Variants in CFAP65 observed in about 807,000 individuals in gnomAD.
CFAP65 encodes cilia- and flagella-associated protein 65.
A neutral mutation model predicts 208.0 loss-of-function variants in CFAP65; 155 were observed. That is an observed-to-expected ratio of 0.75 (90% CI 0.65 to 0.85). CFAP65 has a LOEUF of 0.85. CFAP65 is among the 40% of genes least tolerant of loss of function. The pLI is 0.00. For missense variants in CFAP65, 2,294 were observed against 2,451.3 expected (o/e 0.94, Z 1.36); for synonymous variants, 970 against 986.3 (o/e 0.98, Z 0.31).
Position 219,019,564 on chromosome 2 carries a change from A to T in CFAP65, c.3415T>A (p.Tyr1139Asn). The T allele has an allele frequency of 1.2e-6, 2 of 1,613,660 alleles. No homozygotes were observed. Among genetic ancestry groups the T allele is most frequent in the Non-Finnish European group, 1.7e-6 (2 of 1,180,018 alleles). ...CAGGGGGTGGGGTCACGCTCCAAGT[A>T]ACTGTTAAGCAGGTCCAGAGAGAAG... ...RLFSLDLLNS[Y>N]LERDPTPCEL... is the part of the protein sequence containing the mutation. Residue 1139 changes from tyrosine to asparagine, a missense_variant, in exon 20 of 35, where the codon TAC becomes AAC. Tyr to Asn is a moderately radical substitution (Grantham distance 143). Coordinates refer to ENST00000341552, the MANE Select transcript of CFAP65 (RefSeq NM_194302.4).
intron 9 of CFAP65, 24 bp from the exon 10 acceptor site, chr2:219,030,232 A>C: frequency 6.2e-7 from 1 of 1,607,056 alleles, no homozygotes; most frequent in Non-Finnish European, 8.5e-7. Flanking sequence ...CAGAAGGACA[A>C]AGGGTCAGGT....
Position 219,002,996 on chromosome 2 carries a change from G to A in CFAP65, c.5719C>T (p.Pro1907Ser), listed in dbSNP as rs772651010. 9.0e-6 allele frequency: 14 copies of A among 1,561,864 alleles called. 1 individual carries two copies. The South Asian group carries it at 1.7e-4, about 18-fold the overall frequency. ...TGGAGTACCTCTGCTTGCTGCGTCG[G>A]CAGCAGCGTGTCCGGGGTCAGACTC... ...PRSLTPDTLL[P>S]TQQAEVLHPV... Residue 1907 changes from proline to serine, a missense_variant, in exon 35 of 35, where the codon CCG becomes TCG. By Grantham distance (74) the Pro-to-Ser change is moderately conservative. Transcript: ENST00000341552. This position sits in a 1 kb window ranked among gnomAD's most constrained non-coding sequence, Gnocchi z 7.9.
Position 219,030,226 on chromosome 2 carries a change from A to G in CFAP65, c.1162-18T>C. The G allele has an allele frequency of 6.2e-7, 1 of 1,609,810 alleles. No homozygotes were observed. Among genetic ancestry groups the G allele is most frequent in the Non-Finnish European group, 8.5e-7 (1 of 1,176,224 alleles). ...GCATTTACCTGTGTGGCCAAGCAGA[A>G]GGACAAAGGGTCAGGTCACAGAGCA... On this transcript the variant is annotated intron_variant, in intron 9 of 34. Transcript: ENST00000341552.
At chr2:219,014,704 A>G (rs1946729941) in intron 21 of CFAP65, 1 of 152,582 alleles carries the variant, frequency 6.6e-6, no homozygotes. Flanking sequence ...TACGATAGGG[A>G]GCATCCAGAA....
At chr2:219,035,388 G>T in intron 5 of CFAP65, 92 bp downstream of exon 5, 3 of 1,609,008 alleles carry the variant, frequency 1.9e-6, no homozygotes, top group Non-Finnish European at 2.5e-6. Context: ...CATGTTAAAG[G>T]TTTTTTTTGT....
intron 11 of CFAP65, 120 bp downstream of exon 11, chr2:219,029,283 A>C: frequency 1.5e-6 from 2 of 1,320,208 alleles, no homozygotes; most frequent in South Asian, 1.5e-5. Flanking sequence ...GTGGGAGACC[A>C]CCAGGCAGAC....
chr2:219,006,463 A>G lies in CFAP65; in HGVS notation c.4719+2T>C. 1 of 1,613,334 alleles carries G rather than the reference A, an allele frequency of 6.2e-7. No individual in the cohort carries two copies. Among genetic ancestry groups the G allele is most frequent in the Non-Finnish European group, 8.5e-7 (1 of 1,179,950 alleles). On this transcript the variant is annotated splice_donor_variant, in intron 30 of 34. Coordinates refer to ENST00000341552, the MANE Select transcript of CFAP65 (RefSeq NM_194302.4). LOFTEE classifies it high-confidence loss of function. ...AGATGGGCCTGGGGCTCGCCGCCTC[A>G]CCTTGTACTTCCTCGCAGGTTCACA...
chr2:219,038,007 C>G (rs980055917), intron 4 of CFAP65, among the ~76,000 whole-genome samples: 1 of 152,170 alleles, frequency 6.6e-6, no homozygotes, highest in Non-Finnish European at 1.5e-5. Flanking sequence ...TCCTGGCTAT[C>G]CAACCAGCCT....
In CFAP65 at chr2:219,010,618, G is replaced by A. The variant is rs1946407381; in HGVS notation, c.4236C>T (p.Asp1412=). 2 of 1,611,890 alleles carry A rather than the reference G, an allele frequency of 1.2e-6. No homozygotes were observed. The highest frequency in any genetic ancestry group is 1.7e-6 in the Non-Finnish European group (2 of 1,179,596). The change falls in exon 26 of 35, where the codon GAC becomes GAT. Residue 1412 remains aspartate (D), a synonymous_variant. Transcript: ENST00000341552. ...GVGYNPHMMG[D]TAPFHNISSW... is the part of the protein sequence containing the mutation. ...AGGAGATGTTGTGGAATGGGGCTGT[G>A]TCCCCCATCATATGGGGGTTGTAGC...
At chr2:219,035,875 C>T (rs114182556) in intron 4 of CFAP65, among the ~76,000 whole-genome samples, 132 of 152,290 alleles carry the variant, frequency 8.7e-4, no homozygotes, top group African/African-American at 3.1e-3. Flanking sequence ...TCAGACATCA[C>T]GTCTTCCAAG....
intron 18 of CFAP65, 112 bp downstream of exon 18, chr2:219,021,668 C>A (rs1947270529): frequency 9.0e-6 from 11 of 1,224,218 alleles, no homozygotes; most frequent in Non-Finnish European, 1.3e-5. Context: ...ACCTCAGCTT[C>A]TTGAAGAGCT....
chr2:219,009,266 G>T, intron 28 of CFAP65, 81 bp downstream of exon 28: 1 of 1,441,444 alleles, frequency 6.9e-7, no homozygotes, highest in Admixed American at 1.7e-5. Context: ...TGGGGTCTGG[G>T]GATCTCACAG....
At chr2:219,033,788 T>C (rs910645092) in intron 5 of CFAP65, 1 of 151,652 alleles carries the variant, frequency 6.6e-6, no homozygotes, top group African/African-American at 2.4e-5. Flanking sequence ...TATTTAACAA[T>C]GCAGTAAGGA....
chr2:219,014,207 T>C (rs200297736), intron 21 of CFAP65, 163 bp from the exon 22 acceptor site: 1 of 536,470 alleles, frequency 1.9e-6, no homozygotes, highest in Non-Finnish European at 3.1e-6. Context: ...AATGTGGCTG[T>C]TGTGGATTCT....
At chr2:219,011,040 C>CT (rs1338883963) in intron 24 of CFAP65, 44 bp from the exon 25 acceptor site, 1 of 1,544,128 alleles carries the variant, frequency 6.5e-7, no homozygotes. Context: ...CAGCTCAGCA[C>CT]TGCAAATCAG....
In CFAP65 at chr2:219,037,550, C is replaced by A. The variant is rs370552116; in HGVS notation, c.357+825G>T. Among the ~76,000 whole-genome samples the A allele has an allele frequency of 1.8e-4, 28 of 152,296 alleles. No homozygotes were observed. The East Asian group carries it at 4.4e-3, about 24-fold the overall frequency. ...AGCCTTGAGGCCTGTCTGGTGGGAACTGGAGCCACAGGGGAAATGCAGCTG... is the reference window on the plus strand; with the variant it reads ...AGCCTTGAGGCCTGTCTGGTGGGAAATGGAGCCACAGGGGAAATGCAGCTG... On this transcript the variant is annotated intron_variant, in intron 4 of 34. Transcript: ENST00000341552.
intron 5 of CFAP65, 128 bp downstream of exon 5, chr2:219,035,352 T>G (rs887732218): frequency 1.9e-6 from 3 of 1,576,062 alleles, no homozygotes; most frequent in Non-Finnish European, 2.6e-6. Flanking sequence ...TGCACGTATT[T>G]TAAACACTCA....
chr2:219,010,859 G>C lies in CFAP65; in HGVS notation c.4095C>G (p.Gly1365=), dbSNP rs774973209. 2.5e-6 allele frequency: 4 copies of C among 1,613,468 alleles called. No individual in the cohort carries two copies. The South Asian group carries it at 3.3e-5, about 13-fold the overall frequency. The part of the protein sequence containing the change: ...CLNPKGEIQP[G]STARVLWIFS... ...AGATCCACAAGACCCGGGCAGTGCT[G>C]CCTGGCTGGATCTCCCCTTTGGGGT... The change falls in exon 25 of 35, where the codon GGC becomes GGG. Residue 1365 remains glycine (G), a synonymous_variant. Transcript: ENST00000341552.
rs1946666748 is a variant in CFAP65 at position 219,013,983 on chromosome 2, A to G, written c.3664T>C (p.Leu1222=). The change falls in exon 22 of 35, where the codon TTG becomes CTG. Residue 1222 remains leucine (L), a synonymous_variant. Transcript: ENST00000341552. ...ATCTGGTGGAGCTCAGTGGAATTCAACTCTGCTTGCTCTGCCCAGAGCTCC... is the reference window on the plus strand; with the variant it reads ...ATCTGGTGGAGCTCAGTGGAATTCAGCTCTGCTTGCTCTGCCCAGAGCTCC... ...DVELWAEQAE[L]NSTELHQMRV... 1.2e-6 allele frequency: 2 copies of G among 1,613,390 alleles called. No individual in the cohort carries two copies. Among genetic ancestry groups the G allele is most frequent in the Admixed American group, 1.7e-5 (1 of 59,926 alleles).
Sources: gnomAD v4.1 joint callset for allele counts (sites outside exome capture counted in the v4.1 genomes callset) on GRCh38, gnomAD v4.1.1 for gene constraint, Gnocchi (gnomAD v3.1) non-coding constraint, MANE v1.5 for transcripts, NCBI Gene and HGNC (gene_info 2026-07-23, HGNC 2026-07-21) for gene names.